Variants in ITPR1 observed in about 807,000 individuals in gnomAD.
ITPR1 encodes inositol 1,4,5-trisphosphate-gated calcium channel ITPR1.
Under a neutral mutation model 318.4 loss-of-function variants are expected in ITPR1, and 96 were observed. The ratio of observed to expected loss-of-function variants is 0.30; its 90% CI spans 0.26 to 0.36. ITPR1 has a LOEUF of 0.36. ITPR1 is among the 10% of genes least tolerant of loss of function. The probability of loss-of-function intolerance (pLI) is 1.00; values close to 1 mark genes in which losing one functional copy is unlikely to be tolerated. For missense variants in ITPR1, 2,440 were observed against 3,460.2 expected (o/e 0.71, Z 7.40); for synonymous variants, 1,312 against 1,289.9 (o/e 1.02, Z -0.37).
intron 4 of ITPR1, among the ~76,000 whole-genome samples, chr3:4,535,708 G>C (rs537846125): frequency 6.6e-6 from 1 of 152,124 alleles, no homozygotes; most frequent in Admixed American, 6.5e-5. Context: ...GCCTCCCAAA[G>C]TGCTGGGATT....
At chr3:4,747,225 C>T (rs533701941) in intron 44 of ITPR1, among the ~76,000 whole-genome samples, 224 of 152,266 alleles carry the variant, frequency 1.5e-3, no homozygotes, top group African/African-American at 5.0e-3. Context: ...GCTAGCCAGG[C>T]GCCCTCACTG....
At chr3:4,660,899 T>A in intron 13 of ITPR1, 89 bp from the exon 14 acceptor site, 1 of 646,486 alleles carries the variant, frequency 1.5e-6, no homozygotes, top group South Asian at 2.9e-5. Context: ...CTTTGCTATT[T>A]CTATTTTGAT....
chr3:4,771,480 C>A (rs1479892318), intron 46 of ITPR1, among the ~76,000 whole-genome samples: 1 of 152,206 alleles, frequency 6.6e-6, no homozygotes, highest in Middle Eastern at 3.2e-3. Flanking sequence ...CTCCCTCGCC[C>A]ACACACCCAC....
chr3:4,677,707 G>C (rs2125222744), intron 24 of ITPR1, among the ~76,000 whole-genome samples: 2 of 152,266 alleles, frequency 1.3e-5, no homozygotes, highest in South Asian at 2.1e-4. Flanking sequence ...TGGTAACATG[G>C]TTTATTTTTG....
chr3:4,652,948 A>G (rs1031354893), intron 11 of ITPR1, among the ~76,000 whole-genome samples: 6 of 152,310 alleles, frequency 3.9e-5, no homozygotes, highest in South Asian at 4.1e-4. Flanking sequence ...AGATCGCACC[A>G]CTGCAGTCCA....
intron 4 of ITPR1, among the ~76,000 whole-genome samples, chr3:4,524,313 T>TTTG (rs1489932598): frequency 2.7e-5 from 4 of 150,322 alleles, no homozygotes; most frequent in Non-Finnish European, 5.9e-5. Context: ...TTTTTTTTTT[T>TTTG]TTTTTTTTTT....
chr3:4,502,450 T>G (rs58994349), intron 2 of ITPR1, among the ~76,000 whole-genome samples: 36,849 of 150,406 alleles, frequency 0.24, 4,668 homozygotes, highest in Admixed American at 0.33. Flanking sequence ...TCTCTCCTTT[T>G]TTTTTTTTTG....
At chr3:4,584,259 C>G (rs1474712139) in intron 4 of ITPR1, among the ~76,000 whole-genome samples, 1 of 152,064 alleles carries the variant, frequency 6.6e-6, no homozygotes, top group African/African-American at 2.4e-5. Flanking sequence ...TTCTTGTCCC[C>G]CAAACCAACT....
intron 34 of ITPR1, among the ~76,000 whole-genome samples, chr3:4,699,095 T>A (rs1276734625): frequency 1.3e-5 from 2 of 152,030 alleles, no homozygotes; most frequent in Non-Finnish European, 2.9e-5. Flanking sequence ...ACACCTGTAA[T>A]CCCAGTACTT....
chr3:4,793,311 C>T (rs370892606), intron 52 of ITPR1, among the ~76,000 whole-genome samples: 10 of 152,332 alleles, frequency 6.6e-5, no homozygotes, highest in South Asian at 4.1e-4. Flanking sequence ...CCCTCTGAAA[C>T]GAATGCTGGC....
At position 4,815,228 on chromosome 3, in the gene ITPR1, G is replaced by T. The variant is rs1021410102; in HGVS notation, c.7867+10G>T. 2 of 1,612,760 alleles carry T rather than the reference G, an allele frequency of 1.2e-6. No individual in the cohort carries two copies. The highest frequency in any genetic ancestry group is 1.3e-5 in the African/African-American group (1 of 74,898). ...ACGTGCTTTATCTGTGGTGAGTGTC[G>T]CTGGCCAGCTCCAGCAAGGGCGTGA... On this transcript the variant is annotated intron_variant, in intron 59 of 61. Transcript: ENST00000649015.
chr3:4,520,663 C>T (rs574382313), intron 3 of ITPR1, among the ~76,000 whole-genome samples: 1 of 152,202 alleles, frequency 6.6e-6, no homozygotes, highest in African/African-American at 2.4e-5. Context: ...GGGCCTGGCT[C>T]ATATTCACCT....
At chr3:4,794,044 G>A (rs1460663786) in intron 52 of ITPR1, among the ~76,000 whole-genome samples, 2 of 152,112 alleles carry the variant, frequency 1.3e-5, no homozygotes, top group Non-Finnish European at 2.9e-5. Context: ...AGAAATATAC[G>A]ATCGAGATCC....
Position 4,673,311 on chromosome 3 carries a change from G to C in ITPR1, c.2380G>C (p.Asp794His). 2 of 1,613,914 alleles carry C rather than the reference G, an allele frequency of 1.2e-6. No homozygotes were observed. Among genetic ancestry groups the C allele is most frequent in the Non-Finnish European group, 1.7e-6 (2 of 1,179,848 alleles). ...RLMLHMHVDR[D>H]PQEQVTPVKY... ...CATGCTTCACATGCATGTGGACCGA[G>C]ATCCCCAGGAACAAGTCACCCCCGT... is the stretch of plus-strand genomic sequence containing the variant. Residue 794 changes from aspartate (D) to histidine (H), a missense_variant, in exon 21 of 62, where the codon GAT (aspartate) becomes CAT (histidine). Transcript: ENST00000649015.
At chr3:4,770,540 G>T (rs1321884209) in intron 46 of ITPR1, among the ~76,000 whole-genome samples, 1 of 152,194 alleles carries the variant, frequency 6.6e-6, no homozygotes, top group Non-Finnish European at 1.5e-5. Flanking sequence ...ACAGTACCAT[G>T]TGGCTTGCAT....
At chr3:4,748,391 G>T (rs1262617620) in intron 44 of ITPR1, among the ~76,000 whole-genome samples, 1 of 152,140 alleles carries the variant, frequency 6.6e-6, no homozygotes, top group Non-Finnish European at 1.5e-5. Flanking sequence ...TCACTGCTTG[G>T]TTAGCCAATG....
At chr3:4,611,946 A>G (rs2092147484) in intron 4 of ITPR1, among the ~76,000 whole-genome samples, 1 of 109,324 alleles carries the variant, frequency 9.1e-6, no homozygotes, top group African/African-American at 3.8e-5. Context: ...GAAGGTTCCA[A>G]TCCACAGATT....
chr3:4,516,604 G>A, intron 3 of ITPR1, 21 bp downstream of exon 3: 1 of 1,440,600 alleles, frequency 6.9e-7, no homozygotes, highest in South Asian at 1.2e-5. Flanking sequence ...GCAATTTCTT[G>A]TGTGGCACGG....
Position 4,611,431 on chromosome 3 carries a change from G to A in ITPR1, c.164-16332G>A, listed in dbSNP as rs553828694. ...AGAATTTAGCTGGGCATGGTGGCACGCACCTGTAATCCTAGCTACTTGGGA... is the reference window on the plus strand; with the variant it reads ...AGAATTTAGCTGGGCATGGTGGCACACACCTGTAATCCTAGCTACTTGGGA... On this transcript the variant is annotated intron_variant, in intron 4 of 61. Transcript: ENST00000649015. Among the ~76,000 whole-genome samples, 81 of 151,770 alleles carry A rather than the reference G, an allele frequency of 5.3e-4. 1 individual carries two copies. The highest frequency in any genetic ancestry group is 1.8e-3 in the African/African-American group (76 of 41,380).
Sources: allele counts gnomAD v4.1 joint callset (sites outside exome capture counted in the v4.1 genomes callset), GRCh38; gene constraint gnomAD v4.1.1; transcripts MANE v1.5; gene names NCBI Gene and HGNC (gene_info 2026-07-23, HGNC 2026-07-21).